PLEKHM3: variants seen among roughly 807,000 people sequenced by gnomAD.
PLEKHM3 encodes the protein pleckstrin homology domain-containing family M member 3.
A neutral mutation model predicts 81.8 loss-of-function variants in PLEKHM3; 45 were observed. The ratio of observed to expected loss-of-function variants is 0.55; its 90% CI spans 0.43 to 0.71. The LOEUF (loss-of-function observed/expected upper bound fraction) is 0.71, where lower values mean the gene tolerates loss of function less well. Ranked by LOEUF, PLEKHM3 falls within the 30% of genes least tolerant of loss-of-function variation. The probability of loss-of-function intolerance (pLI) is 0.00; values close to 1 mark genes in which losing one functional copy is unlikely to be tolerated. For synonymous variants in PLEKHM3, 352 were observed against 356.4 expected, an observed-to-expected ratio of 0.99 and a Z score of 0.14; for missense variants, 788 against 924.3, an observed-to-expected ratio of 0.85 and a Z score of 1.91.
rs561688603 is a variant in PLEKHM3 at position 207,920,957 on chromosome 2, A to G, written c.1886+9969T>C. Among the ~76,000 whole-genome samples the G allele has an allele frequency of 3.2e-4, 49 of 152,160 alleles. 1 individual carries two copies. Among genetic ancestry groups the G allele is most frequent in the Admixed American group, 3.0e-3 (46 of 15,276 alleles). On this transcript the variant is annotated intron_variant, in intron 5 of 7. Transcript: ENST00000427836. ...TCCGCCTCCCTGTTCAAGGGACACC[A>G]CTGTCTGCCACCTCCCTGCCTTCCT...
intron 7 of PLEKHM3, among the ~76,000 whole-genome samples, chr2:207,851,057 G>T (rs570480462): frequency 4.0e-5 from 6 of 149,976 alleles, no homozygotes; most frequent in Admixed American, 2.7e-4. Context: ...GGAGGCTGAG[G>T]CAGGATAATT....
At chr2:207,988,456 T>C (rs998217827) in intron 2 of PLEKHM3, among the ~76,000 whole-genome samples, 1 of 152,212 alleles carries the variant, frequency 6.6e-6, no homozygotes, top group African/African-American at 2.4e-5. Context: ...CTTAGGACAA[T>C]GCCTGACACT....
intron 6 of PLEKHM3, among the ~76,000 whole-genome samples, chr2:207,867,001 T>C (rs1326786026): frequency 1.3e-5 from 2 of 152,218 alleles, no homozygotes; most frequent in Non-Finnish European, 2.9e-5. Context: ...ATGGCAATTT[T>C]ATATGGAGAA....
intron 3 of PLEKHM3, among the ~76,000 whole-genome samples, chr2:207,963,074 G>T (rs11887824): frequency 0.028 from 4,331 of 152,218 alleles, 189 homozygotes; most frequent in African/African-American, 0.095. Flanking sequence ...GTGGGTGTTG[G>T]GATGGCAGTT....
chr2:207,993,515 T>G (rs1691967387), intron 2 of PLEKHM3, among the ~76,000 whole-genome samples: 1 of 106,866 alleles, frequency 9.4e-6, no homozygotes, highest in Admixed American at 1.1e-4. Context: ...TTTTTTTTTT[T>G]TAAAGTGAAA....
chr2:207,833,698 G>A (rs2092301618), intron 7 of PLEKHM3, among the ~76,000 whole-genome samples: 1 of 152,124 alleles, frequency 6.6e-6, no homozygotes, highest in African/African-American at 2.4e-5. Context: ...GTGACAACCA[G>A]CAATATCTCC....
intron 3 of PLEKHM3, among the ~76,000 whole-genome samples, chr2:207,956,770 T>C (rs191981096): frequency 6.2e-5 from 9 of 145,718 alleles, no homozygotes; most frequent in Admixed American, 5.6e-4. Context: ...GGTCTTGCTA[T>C]GTTGTGCAAG....
intron 1 of PLEKHM3, among the ~76,000 whole-genome samples, chr2:208,011,360 TAGAA>T (rs773149891): frequency 1.2e-4 from 18 of 152,160 alleles, no homozygotes; most frequent in Middle Eastern, 3.4e-3. Context: ...AATCAACGAA[TAGAA>T]AGAAACTGTG....
intron 7 of PLEKHM3, among the ~76,000 whole-genome samples, chr2:207,829,386 C>T (rs1208734359): frequency 1.3e-5 from 2 of 152,172 alleles, no homozygotes; most frequent in Non-Finnish European, 2.9e-5. Context: ...AAGTGATCCT[C>T]CCACCTCAGC....
In PLEKHM3 at chr2:207,960,023, A is replaced by G. The variant is rs569623465; in HGVS notation, c.1547-13511T>C. On this transcript the variant is annotated intron_variant, in intron 3 of 7. Coordinates refer to ENST00000427836, the MANE Select transcript of PLEKHM3 (RefSeq NM_001080475.3). ...CCTCCAAAGCTAATCTTTTAACTAT[A>G]CATTTAGTATTTGCAATAAGCTATT... 2.2e-4 allele frequency among the ~76,000 whole-genome samples: 33 copies of G among 152,294 alleles called. 1 individual carries two copies. The highest frequency in any genetic ancestry group is 7.5e-4 in the African/African-American group (31 of 41,558).
intron 3 of PLEKHM3, among the ~76,000 whole-genome samples, chr2:207,957,929 T>C (rs1465565618): frequency 6.6e-6 from 1 of 152,126 alleles, no homozygotes; most frequent in African/African-American, 2.4e-5. Context: ...GTGGGTAAGC[T>C]ACTGATATCT....
chr2:207,912,284 T>C (rs1332666536), intron 5 of PLEKHM3, among the ~76,000 whole-genome samples: 1 of 152,252 alleles, frequency 6.6e-6, no homozygotes, highest in African/African-American at 2.4e-5. Flanking sequence ...TGGCTATGTA[T>C]TTATTTAATG....
At chr2:207,997,007 CAA>C (rs10654114) in intron 2 of PLEKHM3, among the ~76,000 whole-genome samples, 1 of 146,014 alleles carries the variant, frequency 6.8e-6, no homozygotes, top group African/African-American at 2.5e-5. Flanking sequence ...ACTTTATGTC[CAA>C]AAAAAAAAAA....
At position 207,906,824 on chromosome 2, in the gene PLEKHM3, G is replaced by C. The variant is rs547395577; in HGVS notation, c.1950+1690C>G. ...ATAAATAAATAACTTTCCTAGCTCT[G>C]GGGGGACAAAAAGAACACAAAAGTC... On this transcript the variant is annotated intron_variant, in intron 6 of 7. Coordinates refer to ENST00000427836, the MANE Select transcript of PLEKHM3 (RefSeq NM_001080475.3). Among the ~76,000 whole-genome samples the C allele has an allele frequency of 2.5e-4, 38 of 152,144 alleles. No individual in the cohort carries two copies. In the South Asian group the frequency reaches 6.4e-3, roughly 26 times the overall value.
chr2:207,986,355 T>C (rs368698234), intron 2 of PLEKHM3, among the ~76,000 whole-genome samples: 3 of 152,198 alleles, frequency 2.0e-5, no homozygotes, highest in African/African-American at 7.2e-5. Flanking sequence ...TGCTTCTCTG[T>C]CAAAGTTTAG....
In PLEKHM3 at chr2:207,976,970, C is replaced by A. The variant is rs1440207813; in HGVS notation, c.1227G>T (p.Val409=). Residue 409 remains valine, a synonymous_variant, in exon 3 of 8, where the codon GTG becomes GTT. Coordinates refer to ENST00000427836, the MANE Select transcript of PLEKHM3 (RefSeq NM_001080475.3). This position sits in a 1 kb window ranked among gnomAD's most constrained non-coding sequence, Gnocchi z 4.1. ...GGTTGTCCATCTGGACAGCCAGACACACGTCCACGTTGTAGCTCAACAGTG... is the reference window on the plus strand; with the variant it reads ...GGTTGTCCATCTGGACAGCCAGACAAACGTCCACGTTGTAGCTCAACAGTG... ...EDPLLSYNVD[V]CLAVQMDNLD... 1.2e-6 allele frequency: 2 copies of A among 1,614,204 alleles called. No individual in the cohort carries two copies. The highest frequency in any genetic ancestry group is 4.5e-5 in the East Asian group (2 of 44,884).
At chr2:207,856,203 CAG>C (rs924220141) in intron 7 of PLEKHM3, among the ~76,000 whole-genome samples, 10 of 152,082 alleles carry the variant, frequency 6.6e-5, no homozygotes, top group Admixed American at 2.0e-4. Flanking sequence ...AAAAATTGGG[CAG>C]AGAGTTCCCA....
intron 1 of PLEKHM3, among the ~76,000 whole-genome samples, chr2:208,016,801 C>T (rs759025916): frequency 2.0e-5 from 3 of 151,828 alleles, no homozygotes; most frequent in Non-Finnish European, 2.9e-5. Flanking sequence ...TTAGCCAATC[C>T]GGGTCTCAAT....
At chr2:207,987,097 A>ATGGCCAATACAAATAAT (rs1423803295) in intron 2 of PLEKHM3, among the ~76,000 whole-genome samples, 1 of 152,206 alleles carries the variant, frequency 6.6e-6, no homozygotes, top group Non-Finnish European at 1.5e-5. Context: ...TCTGTATTCA[A>ATGGCCAATACAAATAAT]CTGCTACTTT....
Sources: allele counts gnomAD v4.1 joint callset (sites outside exome capture counted in the v4.1 genomes callset), GRCh38; gene constraint gnomAD v4.1.1; non-coding constraint Gnocchi (gnomAD v3.1); transcripts MANE v1.5; gene names NCBI Gene and HGNC (gene_info 2026-07-23, HGNC 2026-07-21).